Variants in ABL1 observed in about 807,000 individuals in gnomAD.
ABL1 encodes the protein ABL proto-oncogene 1, non-receptor tyrosine kinase.
A neutral mutation model predicts 94.7 loss-of-function variants in ABL1; 11 were observed. The observed-to-expected ratio is 0.12, with a 90% confidence interval of 0.07 to 0.19. ABL1 has a LOEUF of 0.19. Among genes scored for constraint, ABL1 ranks in the 10% least tolerant of loss-of-function variants. The probability of loss-of-function intolerance (pLI) is 1.00; values close to 1 mark genes in which losing one functional copy is unlikely to be tolerated. For missense variants in ABL1, 1,082 were observed against 1,489.4 expected, an observed-to-expected ratio of 0.73 and a Z score of 4.50; for synonymous variants, 656 against 622.4, an observed-to-expected ratio of 1.05 and a Z score of -0.80.
intron 6 of ABL1, among the ~76,000 whole-genome samples, chr9:130,873,857 G>C (rs988324266): frequency 6.6e-6 from 1 of 152,148 alleles, no homozygotes; most frequent in Non-Finnish European, 1.5e-5. Context: ...AGATTTCATA[G>C]CAAGGAATAA....
intron 1 of ABL1, among the ~76,000 whole-genome samples, chr9:130,752,883 C>T (rs967732898): frequency 9.2e-5 from 14 of 151,744 alleles, no homozygotes; most frequent in African/African-American, 2.2e-4. Flanking sequence ...CACTTGAACC[C>T]GCGAGGCGGA....
At position 130,855,112 on chromosome 9, in the gene ABL1, C is replaced by G. The variant is rs1212992332; in HGVS notation, c.549+16C>G. 1.9e-6 allele frequency: 3 copies of G among 1,606,254 alleles called. No individual in the cohort carries two copies. In the African/African-American group the frequency reaches 4.0e-5, roughly 21 times the overall value. On this transcript the variant is annotated intron_variant, in intron 3 of 10. Transcript: ENST00000318560. The stretch of plus-strand genomic sequence containing the variant: ...TGATGGCAAGGTAGGGGACCCTTGG[C>G]AGGGGGCGCTGATGGGCCCAGGGCA...
At position 130,835,387 on chromosome 9, in the gene ABL1, C is replaced by G. The variant is rs1830552962; in HGVS notation, c.-60C>G. ...GCGCGCGGGCCGAGCCGGGCCTGAGCCGGGCCCGCGGACCGAGCTGGGAGA... is the reference window on the plus strand; with the variant it reads ...GCGCGCGGGCCGAGCCGGGCCTGAGGCGGGCCCGCGGACCGAGCTGGGAGA... On this transcript the variant is annotated 5_prime_UTR_variant, in exon 1 of 11. Transcript: ENST00000318560. This position sits in a 1 kb window ranked among gnomAD's most constrained non-coding sequence, Gnocchi z 4.6. 3.9e-6 allele frequency: 5 copies of G among 1,283,254 alleles called. No homozygotes were observed. The highest frequency in any genetic ancestry group is 7.2e-5 in the East Asian group (2 of 27,940). 79.5% of individuals were successfully genotyped at this position (1,283,254 alleles called of 1,614,324 possible).
chr9:130,871,448 G>A (rs927027869), intron 4 of ABL1, among the ~76,000 whole-genome samples: 1 of 152,186 alleles, frequency 6.6e-6, no homozygotes, highest in African/African-American at 2.4e-5. Flanking sequence ...CCATGGACTT[G>A]TTAAAATGTG....
chr9:130,878,980 C>T (rs567292028), intron 8 of ABL1, among the ~76,000 whole-genome samples: 53 of 151,208 alleles, frequency 3.5e-4, no homozygotes, highest in African/African-American at 1.1e-3. Context: ...CTGGTTCAAG[C>T]GATTCTCCTG....
intron 1 of ABL1, among the ~76,000 whole-genome samples, chr9:130,747,788 C>T (rs1228717108): frequency 6.6e-6 from 1 of 152,158 alleles, no homozygotes; most frequent in East Asian, 1.9e-4. Context: ...GCCCCCATCT[C>T]AAGATTGTTA....
At chr9:130,813,098 C>T (rs965396388) in intron 1 of ABL1, among the ~76,000 whole-genome samples, 3 of 151,850 alleles carry the variant, frequency 2.0e-5, no homozygotes, top group African/African-American at 7.3e-5. Flanking sequence ...ACCTGTAATC[C>T]CAGCTACTCA....
chr9:130,771,753 T>TTTTC (rs1832255089), intron 1 of ABL1, among the ~76,000 whole-genome samples: 1 of 50,684 alleles, frequency 2.0e-5, no homozygotes, highest in Non-Finnish European at 3.8e-5. Flanking sequence ...TCTTTCTTTC[T>TTTTC]TTTTTTTTTT....
intron 1 of ABL1, among the ~76,000 whole-genome samples, chr9:130,748,351 AT>A: frequency 6.6e-6 from 1 of 152,266 alleles, no homozygotes; most frequent in South Asian, 2.1e-4. Flanking sequence ...AAATTTCTTT[AT>A]AAAATTTGTT....
intron 1 of ABL1, among the ~76,000 whole-genome samples, chr9:130,759,309 C>T (rs1349698036): frequency 1.3e-5 from 2 of 152,170 alleles, no homozygotes; most frequent in East Asian, 3.9e-4. Context: ...GATGGCCGGT[C>T]ATTGCACTCC....
At chr9:130,754,542 G>T (rs549715408) in intron 1 of ABL1, among the ~76,000 whole-genome samples, 99 of 149,132 alleles carry the variant, frequency 6.6e-4, no homozygotes, top group African/African-American at 2.4e-3. Context: ...TTACTATCAT[G>T]TAAAGGGGAG....
At chr9:130,765,698 T>C (rs1476201368) in intron 1 of ABL1, among the ~76,000 whole-genome samples, 1 of 152,210 alleles carries the variant, frequency 6.6e-6, no homozygotes, top group Non-Finnish European at 1.5e-5. Flanking sequence ...AGAGGCACAA[T>C]TAGACCTGAC....
rs1378204739 is a variant in ABL1 at position 130,854,374 on chromosome 9, A to G, written c.253+137A>G. 3.0e-6 allele frequency: 3 copies of G among 1,008,186 alleles called. No homozygotes were observed. In the South Asian group the frequency reaches 5.1e-5, roughly 17 times the overall value. 62.5% of individuals were successfully genotyped at this position (1,008,186 alleles called of 1,614,324 possible). A position where few individuals can be genotyped will look rare whatever the true frequency, so the allele number is the denominator to read the frequency against. ...CAGGGATATCCAAAACAACAACTGCATGTTTCTAAGGGAGTCGACTCTCCT... is the reference window on the plus strand; with the variant it reads ...CAGGGATATCCAAAACAACAACTGCGTGTTTCTAAGGGAGTCGACTCTCCT... On this transcript the variant is annotated intron_variant, in intron 2 of 10. Transcript: ENST00000318560.
intron 1 of ABL1, among the ~76,000 whole-genome samples, chr9:130,846,723 A>G (rs1012291261): frequency 1.2e-4 from 18 of 152,356 alleles, no homozygotes; most frequent in African/African-American, 4.3e-4. Flanking sequence ...AGTAGCCGGT[A>G]CTGGGGTTCA....
intron 1 of ABL1, among the ~76,000 whole-genome samples, chr9:130,735,817 T>C (rs1375393558): frequency 1.3e-5 from 2 of 151,384 alleles, no homozygotes. Flanking sequence ...GGTTTAAGGG[T>C]ACATGCGTTT....
At chr9:130,842,665 G>A (rs566481685) in intron 1 of ABL1, among the ~76,000 whole-genome samples, 4 of 152,268 alleles carry the variant, frequency 2.6e-5, no homozygotes, top group African/African-American at 7.2e-5. Flanking sequence ...AGCTGACCCC[G>A]GAGTCCATGA....
intron 1 of ABL1, among the ~76,000 whole-genome samples, chr9:130,731,465 A>G (rs957534949): frequency 6.6e-6 from 1 of 152,050 alleles, no homozygotes; most frequent in African/African-American, 2.4e-5. Context: ...TCTCATGTTT[A>G]TAGTTGGCCT....
chr9:130,762,144 C>CA (rs35046698), intron 1 of ABL1, among the ~76,000 whole-genome samples: 60,682 of 132,296 alleles, frequency 0.46, 15,816 homozygotes, highest in Non-Finnish European at 0.58. Context: ...ACTCCCAGCT[C>CA]AAAAAAAAAA....
intron 1 of ABL1, among the ~76,000 whole-genome samples, chr9:130,773,811 A>G (rs892475833): frequency 1.3e-5 from 2 of 152,026 alleles, no homozygotes; most frequent in Non-Finnish European, 2.9e-5. Context: ...TATAACTGAC[A>G]TAAAATAAAC....
Sources: gnomAD v4.1 joint callset for allele counts (sites outside exome capture counted in the v4.1 genomes callset) on GRCh38, gnomAD v4.1.1 for gene constraint, Gnocchi (gnomAD v3.1) non-coding constraint, MANE v1.5 for transcripts, NCBI Gene and HGNC (gene_info 2026-07-23, HGNC 2026-07-21) for gene names.